Variants in ACYP2 observed in about 807,000 individuals in gnomAD.
ACYP2 encodes the protein acylphosphatase-2.
A neutral mutation model predicts 11.2 loss-of-function variants in ACYP2; 12 were observed. The ratio of observed to expected loss-of-function variants is 1.08; its 90% CI spans 0.69 to 1.74. ACYP2 has a LOEUF of 1.74. Ranked by LOEUF, ACYP2 falls within the 40% of genes most tolerant of loss-of-function variation. ACYP2 has a pLI of 0.00. For missense variants in ACYP2, 134 were observed against 101.9 expected (o/e 1.31, Z -1.35); for synonymous variants, 43 against 32.2 (o/e 1.33, Z -1.13).
At position 54,267,345 on chromosome 2, in the gene ACYP2, A is replaced by G. The variant is rs1368881902; in HGVS notation, c.405-37343A>G. 1.9e-6 allele frequency: 3 copies of G among 1,549,056 alleles called. No homozygotes were observed. In the East Asian group the frequency reaches 7.3e-5, roughly 38 times the overall value. Reference sequence around the variant, plus strand: ...GTGAAGAAAAGAAACAAGATAGGGCAACAGCTAGAGGAGAATTCAGGTGAG... The same window carrying G: ...GTGAAGAAAAGAAACAAGATAGGGCGACAGCTAGAGGAGAATTCAGGTGAG... On this transcript the variant is annotated intron_variant, in intron 6 of 6. Coordinates refer to ENST00000607452, the MANE Select transcript of ACYP2 (RefSeq NM_001320586.2).
In ACYP2 at chr2:54,280,808, A is replaced by C. The variant is rs150929163; in HGVS notation, c.405-23880A>C. Among the ~76,000 whole-genome samples the C allele has an allele frequency of 2.5e-3, 388 of 152,244 alleles. 2 individuals are homozygous for C. Among genetic ancestry groups the C allele is most frequent in the Non-Finnish European group, 4.3e-3 (293 of 68,016 alleles). ...TGGGAAGAGACATTGAGTATATTTT[A>C]CTCTTAAGAAACTTAATCGATAGGA... On this transcript the variant is annotated intron_variant, in intron 6 of 6. Coordinates refer to ENST00000607452, the MANE Select transcript of ACYP2 (RefSeq NM_001320586.2).
At chr2:54,252,836 G>A (rs745849488) in intron 6 of ACYP2, among the ~76,000 whole-genome samples, 3 of 151,558 alleles carry the variant, frequency 2.0e-5, no homozygotes, top group South Asian at 2.1e-4. Flanking sequence ...CCTGGGAGGC[G>A]GAGCTTGCAG....
chr2:54,270,548 A>G (rs1034240761), intron 6 of ACYP2, among the ~76,000 whole-genome samples: 4 of 152,220 alleles, frequency 2.6e-5, no homozygotes, highest in African/African-American at 4.8e-5. Flanking sequence ...ACGAGGCTAC[A>G]GTGAGCCATG....
intron 2 of ACYP2, among the ~76,000 whole-genome samples, chr2:54,034,330 C>T (rs1483449571): frequency 1.3e-5 from 2 of 152,212 alleles, no homozygotes; most frequent in Non-Finnish European, 2.9e-5. Flanking sequence ...TGCACTGCAG[C>T]TTGGGCAGCA....
intron 6 of ACYP2, among the ~76,000 whole-genome samples, chr2:54,183,121 C>T (rs533010706): frequency 3.3e-5 from 5 of 152,224 alleles, no homozygotes; most frequent in Non-Finnish European, 7.4e-5. Flanking sequence ...TCTATATCTC[C>T]GCCTTGATAA....
At chr2:54,159,201 T>G (rs1572869688) in intron 6 of ACYP2, among the ~76,000 whole-genome samples, 1 of 151,190 alleles carries the variant, frequency 6.6e-6, no homozygotes, top group Non-Finnish European at 1.5e-5. Flanking sequence ...CAAAAATCAG[T>G]CAATACTGCC....
intron 4 of ACYP2, among the ~76,000 whole-genome samples, chr2:54,060,407 A>G (rs140959376): frequency 1.3e-3 from 192 of 152,142 alleles, no homozygotes; most frequent in Non-Finnish European, 1.8e-3. Context: ...TTAAAAAATA[A>G]TCATCTTCTT....
intron 2 of ACYP2, among the ~76,000 whole-genome samples, chr2:54,048,772 T>C (rs886331138): frequency 2.0e-5 from 3 of 152,226 alleles, no homozygotes; most frequent in South Asian, 4.1e-4. Context: ...TCAAATCTTT[T>C]AGATAATTAA....
At chr2:54,094,548 G>A (rs1304895387) in intron 4 of ACYP2, among the ~76,000 whole-genome samples, 2 of 141,356 alleles carry the variant, frequency 1.4e-5, no homozygotes, top group African/African-American at 5.3e-5. Flanking sequence ...GTGTGTGTGT[G>A]TGTGTTTGAG....
rs10172603 is a variant in ACYP2, at chr2:54,175,705, C to G, written c.404+36957C>G. ...TACTGTAAATTTACTGATTATCAAA[C>G]TAATACATACTGTGGTAGAAACTGC... On this transcript the variant is annotated intron_variant, in intron 6 of 6. Coordinates refer to ENST00000607452, the MANE Select transcript of ACYP2 (RefSeq NM_001320586.2). 4.8e-3 allele frequency among the ~76,000 whole-genome samples: 730 copies of G among 152,162 alleles called. 10 individuals carry two copies. Among genetic ancestry groups the G allele is most frequent in the African/African-American group, 0.017 (714 of 41,528 alleles).
intron 4 of ACYP2, chr2:54,085,088 G>A (rs780395017): frequency 2.6e-5 from 4 of 152,030 alleles, no homozygotes; most frequent in African/African-American, 7.3e-5. Context: ...GTTCAACGTC[G>A]TTTTGTTCAG....
In ACYP2 at chr2:54,273,327, T is replaced by A. The variant is rs1266558159; in HGVS notation, c.405-31361T>A. Among the ~76,000 whole-genome samples, 4 of 152,238 alleles carry A rather than the reference T, an allele frequency of 2.6e-5. No individual in the cohort carries two copies. In the East Asian group the frequency reaches 7.7e-4, roughly 29 times the overall value. On this transcript the variant is annotated intron_variant, in intron 6 of 6. Coordinates refer to ENST00000607452, the MANE Select transcript of ACYP2 (RefSeq NM_001320586.2). The stretch of plus-strand genomic sequence containing the variant: ...AAGATATACTACAATACTAGTACAT[T>A]AATTGAGTGTTCTTTGTTATGCCAA...
chr2:54,056,614 C>G (rs1304284046), intron 3 of ACYP2, among the ~76,000 whole-genome samples: 1 of 152,168 alleles, frequency 6.6e-6, no homozygotes, highest in African/African-American at 2.4e-5. Flanking sequence ...TATTTTCAAT[C>G]ATGACACATT....
At chr2:54,092,389 A>C (rs544178614) in intron 4 of ACYP2, among the ~76,000 whole-genome samples, 1 of 152,336 alleles carries the variant, frequency 6.6e-6, no homozygotes, top group East Asian at 1.9e-4. Flanking sequence ...CCGTAGGAGC[A>C]GCTCTTCTTT....
At chr2:53,990,607 C>G (rs1672240676) in intron 2 of ACYP2, among the ~76,000 whole-genome samples, 1 of 147,926 alleles carries the variant, frequency 6.8e-6, no homozygotes, top group South Asian at 2.2e-4. Context: ...CGAGATGGCA[C>G]CATTGCACTC....
At chr2:54,169,036 G>A (rs1683122908) in intron 6 of ACYP2, among the ~76,000 whole-genome samples, 1 of 152,166 alleles carries the variant, frequency 6.6e-6, no homozygotes, top group Admixed American at 6.6e-5. Flanking sequence ...GAACCAATCA[G>A]GAGTGTTACA....
chr2:54,050,970 G>A lies in ACYP2; in HGVS notation c.75G>A (p.Ser25=), dbSNP rs1343932441. The A allele has an allele frequency of 1.5e-5, 6 of 409,170 alleles. No individual in the cohort carries two copies. The highest frequency in any genetic ancestry group is 8.2e-5 in the African/African-American group (4 of 48,610). 25.3% of individuals were successfully genotyped at this position (409,170 alleles called of 1,614,324 possible). Residue 25 remains serine (S), a synonymous_variant, in exon 3 of 7, where the codon TCG becomes TCA. Coordinates refer to ENST00000607452, the MANE Select transcript of ACYP2 (RefSeq NM_001320586.2). ...TCTTTTTTTGTAGATACAAGGTCTC[G>A]CTGTTCTACCTAGGCTGTTCTAGAA...
intron 6 of ACYP2, among the ~76,000 whole-genome samples, chr2:54,295,273 C>G (rs17045788): frequency 5.9e-5 from 9 of 152,164 alleles, no homozygotes; most frequent in Non-Finnish European, 1.2e-4. Flanking sequence ...TGCTTCTATT[C>G]GGGTCATTAG....
At chr2:54,187,458 C>T (rs1159778995) in intron 6 of ACYP2, among the ~76,000 whole-genome samples, 1 of 152,146 alleles carries the variant, frequency 6.6e-6, no homozygotes, top group African/African-American at 2.4e-5. Flanking sequence ...CAGGGATTCA[C>T]AGCTTGTGTG....
Sources: allele counts gnomAD v4.1 joint callset (sites outside exome capture counted in the v4.1 genomes callset), GRCh38; gene constraint gnomAD v4.1.1; transcripts MANE v1.5; gene names NCBI Gene and HGNC (gene_info 2026-07-23, HGNC 2026-07-21).